Variants in VAV2 observed in about 807,000 individuals in gnomAD.
The protein encoded by VAV2 is guanine nucleotide exchange factor VAV2.
A neutral mutation model predicts 132.5 loss-of-function variants in VAV2; 67 were observed. The ratio of observed to expected loss-of-function variants is 0.51; its 90% CI spans 0.42 to 0.62. The LOEUF (loss-of-function observed/expected upper bound fraction) is 0.62, where lower values mean the gene tolerates loss of function less well. VAV2 is among the 20% of genes least tolerant of loss of function. VAV2 has a pLI of 0.00. For synonymous variants in VAV2, 492 were observed against 443.5 expected, an observed-to-expected ratio of 1.11 and a Z score of -1.37; for missense variants, 938 against 1,153.6, an observed-to-expected ratio of 0.81 and a Z score of 2.71.
Position 133,962,159 on chromosome 9 carries a change from G to A in VAV2, c.205-22940C>T, listed in dbSNP as rs548594303. Among the ~76,000 whole-genome samples, 70 of 152,252 alleles carry A rather than the reference G, an allele frequency of 4.6e-4. 1 individual carries two copies. The highest frequency in any genetic ancestry group is 9.8e-4 in the Admixed American group (15 of 15,298). ...ACCAGCTCCTCTATGGGACCCTCCT[G>A]GGCACAGAGGGGGATGAAGGGGTAA... On this transcript the variant is annotated intron_variant, in intron 1 of 29. Coordinates refer to ENST00000371850, the MANE Select transcript of VAV2 (RefSeq NM_001134398.2).
intron 1 of VAV2, among the ~76,000 whole-genome samples, chr9:133,977,466 T>A (rs926199040): frequency 2.0e-5 from 3 of 152,216 alleles, no homozygotes; most frequent in African/African-American, 7.2e-5. Flanking sequence ...CCAGGGGGCC[T>A]GGGACACAGA....
chr9:133,874,346 G>A (rs894023804), intron 2 of VAV2, among the ~76,000 whole-genome samples: 2 of 152,290 alleles, frequency 1.3e-5, no homozygotes, highest in African/African-American at 4.8e-5. Context: ...GCGCTGCTGT[G>A]GCTGCAGGAG....
chr9:133,814,397 G>A (rs770365364), intron 4 of VAV2, among the ~76,000 whole-genome samples: 19 of 152,230 alleles, frequency 1.2e-4, no homozygotes, highest in Non-Finnish European at 2.1e-4. Context: ...TTTCCGTCAC[G>A]TGGCAGAGCG....
At chr9:133,832,962 C>T (rs1454124234) in intron 4 of VAV2, among the ~76,000 whole-genome samples, 1 of 152,130 alleles carries the variant, frequency 6.6e-6, no homozygotes, top group Non-Finnish European at 1.5e-5. Context: ...CCCCTGTGCC[C>T]ATCTCTCCCC....
At chr9:133,818,030 C>G (rs1263733336) in intron 4 of VAV2, among the ~76,000 whole-genome samples, 1 of 152,044 alleles carries the variant, frequency 6.6e-6, no homozygotes, top group East Asian at 1.9e-4. Flanking sequence ...CCAGTGCGGA[C>G]AGGTGTCATC....
Position 133,938,396 on chromosome 9 carries a change from C to A in VAV2, c.321+707G>T, listed in dbSNP as rs117536903. ...CTGCTGGGCTCTGGAAGGCAGGTGGCCCCTGCGTCCCTCTGTACCCAGGCT... is the reference window on the plus strand; with the variant it reads ...CTGCTGGGCTCTGGAAGGCAGGTGGACCCTGCGTCCCTCTGTACCCAGGCT... On this transcript the variant is annotated intron_variant, in intron 2 of 29. Transcript: ENST00000371850. Among the ~76,000 whole-genome samples the A allele has an allele frequency of 6.9e-3, 1,056 of 152,264 alleles. 6 individuals are homozygous for A. The highest frequency in any genetic ancestry group is 0.017 in the Middle Eastern group (5 of 294).
intron 1 of VAV2, among the ~76,000 whole-genome samples, chr9:133,979,917 G>C (rs942895147): frequency 1.3e-5 from 2 of 152,232 alleles, no homozygotes; most frequent in African/African-American, 4.8e-5. Flanking sequence ...TCTCTCATCT[G>C]AAAGTGCCAT....
intron 1 of VAV2, among the ~76,000 whole-genome samples, chr9:133,975,445 C>T (rs1842474001): frequency 2.0e-5 from 3 of 152,224 alleles, no homozygotes; most frequent in African/African-American, 4.8e-5. Context: ...TTAAATAAAA[C>T]TTGCCAGCCC....
intron 16 of VAV2, 114 bp from the exon 17 acceptor site, chr9:133,785,999 C>T (rs1401048401): frequency 3.4e-6 from 3 of 870,234 alleles, no homozygotes; most frequent in African/African-American, 2.1e-5. Flanking sequence ...TGCATATGTG[C>T]ACAGGTGCCT....
intron 2 of VAV2, among the ~76,000 whole-genome samples, chr9:133,870,318 T>G (rs1837976948): frequency 6.6e-6 from 1 of 151,780 alleles, no homozygotes; most frequent in Admixed American, 6.5e-5. Flanking sequence ...AGCGGCAAAA[T>G]GAAAAATGCC....
At chr9:133,835,577 G>A (rs944399144) in intron 3 of VAV2, among the ~76,000 whole-genome samples, 1 of 152,222 alleles carries the variant, frequency 6.6e-6, no homozygotes, top group Non-Finnish European at 1.5e-5. Context: ...GCGTGTTCTG[G>A]TAGGAAACCT....
Position 133,840,411 on chromosome 9 carries a change from A to T in VAV2, c.381-6071T>A, listed in dbSNP as rs1223253077. 6.6e-6 allele frequency among the ~76,000 whole-genome samples: 1 copy of T among 151,730 alleles called. No homozygotes were observed. The highest frequency in any genetic ancestry group is 2.0e-4 in the East Asian group (1 of 5,118). ...ATCCCACTCCCCAAGCTTCCTCAGC[A>T]CCCACTCCCCACTCCTGCCCCTGAG... is the stretch of plus-strand genomic sequence containing the variant. On this transcript the variant is annotated intron_variant, in intron 3 of 29. Transcript: ENST00000371850. This position sits in a 1 kb window ranked among gnomAD's most constrained non-coding sequence, Gnocchi z 4.5.
rs577955988 is a variant in VAV2, at chr9:133,814,430, C to T, written c.450-2214G>A. Among the ~76,000 whole-genome samples, 8 of 152,316 alleles carry T rather than the reference C, an allele frequency of 5.3e-5. No homozygotes were observed. The East Asian group carries it at 9.7e-4, about 18-fold the overall frequency. ...GCGAGGCTGGCGGCAAAGCCTCTGT[C>T]GAAAACTCTTGACAGCTGGAGGCGA... On this transcript the variant is annotated intron_variant, in intron 4 of 29. Coordinates refer to ENST00000371850, the MANE Select transcript of VAV2 (RefSeq NM_001134398.2).
chr9:133,851,234 C>T (rs1044848103), intron 3 of VAV2, among the ~76,000 whole-genome samples: 11 of 152,224 alleles, frequency 7.2e-5, no homozygotes, highest in Non-Finnish European at 1.5e-4. Flanking sequence ...TCCTTTAACC[C>T]TTGCAGCCTT....
At chr9:133,825,036 T>C (rs1243598092) in intron 4 of VAV2, among the ~76,000 whole-genome samples, 1 of 152,062 alleles carries the variant, frequency 6.6e-6, no homozygotes, top group Non-Finnish European at 1.5e-5. Flanking sequence ...TTGGCAGCAT[T>C]TGAGGGAGCC....
At chr9:133,954,866 A>G (rs964252083) in intron 1 of VAV2, among the ~76,000 whole-genome samples, 3 of 152,186 alleles carry the variant, frequency 2.0e-5, no homozygotes, top group Non-Finnish European at 4.4e-5. Context: ...GCAAAAATAC[A>G]TCTGCAGGAG....
At chr9:133,970,595 G>A (rs1181886186) in intron 1 of VAV2, among the ~76,000 whole-genome samples, 5 of 152,166 alleles carry the variant, frequency 3.3e-5, no homozygotes, top group East Asian at 1.9e-4. Flanking sequence ...AGATGGAGGT[G>A]GCTCCTTCCC....
Position 133,768,595 on chromosome 9 carries a change from C to T in VAV2, c.2436G>A (p.Val812=), listed in dbSNP as rs772000561. 2.7e-5 allele frequency: 43 copies of T among 1,613,496 alleles called. No homozygotes were observed. The highest frequency in any genetic ancestry group is 3.6e-5 in the Non-Finnish European group (42 of 1,179,780). Residue 812 remains valine, a splice_region_variant and synonymous_variant, in exon 29 of 30, where the codon GTG becomes GTA. Transcript: ENST00000371850. This position sits in a 1 kb window ranked among gnomAD's most constrained non-coding sequence, Gnocchi z 5.3. ...CTGTGCCGATGACGCGGGGCGTGAACACTGTTGAGGGAGATGGGCAGCATC... is the reference window on the plus strand; with the variant it reads ...CTGTGCCGATGACGCGGGGCGTGAATACTGTTGAGGGAGATGGGCAGCATC... The part of the protein sequence containing the change: ...SQGPSAPFWS[V]FTPRVIGTAV...
In VAV2 at chr9:133,840,915, G is replaced by T. The variant is rs1480941941; in HGVS notation, c.381-6575C>A. Among the ~76,000 whole-genome samples the T allele has an allele frequency of 6.6e-6, 1 of 152,140 alleles. No individual in the cohort carries two copies. The highest frequency in any genetic ancestry group is 1.5e-5 in the Non-Finnish European group (1 of 68,040). On this transcript the variant is annotated intron_variant, in intron 3 of 29. Transcript: ENST00000371850. This position sits in a 1 kb window ranked among gnomAD's most constrained non-coding sequence, Gnocchi z 4.5. Reference sequence around the variant, plus strand: ...AGGGAGGGGCACATTGGACGCGCAGGGGTCTCCAAGCTGAGGGTAGCAAGC... The same window carrying T: ...AGGGAGGGGCACATTGGACGCGCAGTGGTCTCCAAGCTGAGGGTAGCAAGC...
Sources: allele counts gnomAD v4.1 joint callset (sites outside exome capture counted in the v4.1 genomes callset), GRCh38; gene constraint gnomAD v4.1.1; non-coding constraint Gnocchi (gnomAD v3.1); transcripts MANE v1.5; gene names NCBI Gene and HGNC (gene_info 2026-07-23, HGNC 2026-07-21).